Variants in GPM6A observed in about 807,000 individuals in gnomAD.
GPM6A encodes neuronal membrane glycoprotein M6-a.
GPM6A carries 7 observed loss-of-function variants against 32.1 expected under a neutral mutation model. The ratio of observed to expected loss-of-function variants is 0.22; its 90% CI spans 0.12 to 0.41. The LOEUF (loss-of-function observed/expected upper bound fraction) is 0.41, where lower values mean the gene tolerates loss of function less well. Ranked by LOEUF, GPM6A falls within the 10% of genes least tolerant of loss-of-function variation. GPM6A has a pLI of 1.00. For missense variants in GPM6A, 235 were observed against 347.2 expected, an observed-to-expected ratio of 0.68 and a Z score of 2.57; for synonymous variants, 130 against 123.4, an observed-to-expected ratio of 1.05 and a Z score of -0.35.
chr4:175,959,900 G>A (rs1424053945), intron 1 of GPM6A, among the ~76,000 whole-genome samples: 9 of 152,124 alleles, frequency 5.9e-5, no homozygotes, highest in African/African-American at 2.2e-4. Flanking sequence ...TATTAATTAG[G>A]AAATTACTGT....
chr4:175,665,309 A>C (rs1219119145), intron 3 of GPM6A, among the ~76,000 whole-genome samples: 1 of 152,094 alleles, frequency 6.6e-6, no homozygotes, highest in Non-Finnish European at 1.5e-5. Flanking sequence ...ATGTATTCTG[A>C]CTATACTAGG....
intron 1 of GPM6A, among the ~76,000 whole-genome samples, chr4:175,764,432 T>C (rs1028090590): frequency 3.3e-5 from 5 of 152,196 alleles, no homozygotes; most frequent in African/African-American, 9.7e-5. Flanking sequence ...GGACATTTGG[T>C]TTGTTTCTAC....
intron 1 of GPM6A, among the ~76,000 whole-genome samples, chr4:175,711,373 C>A (rs1184435048): frequency 8.2e-6 from 1 of 121,546 alleles, no homozygotes; most frequent in Non-Finnish European, 1.6e-5. Flanking sequence ...AAGCAGGCAG[C>A]TGAAGAGAGT....
At chr4:175,925,017 T>A (rs183324573) in intron 1 of GPM6A, among the ~76,000 whole-genome samples, 175 of 152,316 alleles carry the variant, frequency 1.1e-3, no homozygotes, top group African/African-American at 4.0e-3. Flanking sequence ...AATACCACAC[T>A]TCCATTTATC....
intron 2 of GPM6A, among the ~76,000 whole-genome samples, chr4:175,684,536 A>C (rs1266281943): frequency 6.6e-6 from 1 of 152,200 alleles, no homozygotes; most frequent in Non-Finnish European, 1.5e-5. Flanking sequence ...AAATTAGATA[A>C]AATTAGATAA....
intron 1 of GPM6A, among the ~76,000 whole-genome samples, chr4:175,786,299 T>C (rs1318035667): frequency 6.6e-6 from 1 of 151,356 alleles, no homozygotes; most frequent in African/African-American, 2.4e-5. Context: ...TTGTTTTGTT[T>C]TTTTTTTTTT....
chr4:175,710,365 A>C (rs189794013), intron 1 of GPM6A, among the ~76,000 whole-genome samples: 148 of 152,264 alleles, frequency 9.7e-4, no homozygotes, highest in Non-Finnish European at 1.9e-3. Flanking sequence ...AGTGAATTCC[A>C]CAAGTTCTGA....
intron 1 of GPM6A, among the ~76,000 whole-genome samples, chr4:175,896,788 C>T (rs1462347568): frequency 6.6e-6 from 1 of 152,084 alleles, no homozygotes; most frequent in African/African-American, 2.4e-5. Context: ...CTTGCCATCA[C>T]ATTTGTTATT....
At chr4:175,689,154 CT>C (rs1744153872) in intron 2 of GPM6A, among the ~76,000 whole-genome samples, 2 of 152,166 alleles carry the variant, frequency 1.3e-5, no homozygotes, top group African/African-American at 4.8e-5. Flanking sequence ...TGAAGTTTCA[CT>C]TTTATTCTTC....
At chr4:175,909,524 G>T (rs1430096675) in intron 1 of GPM6A, among the ~76,000 whole-genome samples, 1 of 152,098 alleles carries the variant, frequency 6.6e-6, no homozygotes, top group African/African-American at 2.4e-5. Flanking sequence ...CATGATAGAA[G>T]AATGAAAGAA....
chr4:175,721,453 G>T (rs1257355870), intron 1 of GPM6A, among the ~76,000 whole-genome samples: 1 of 151,672 alleles, frequency 6.6e-6, no homozygotes, highest in Non-Finnish European at 1.5e-5. Context: ...TCCAGTCTGG[G>T]TGACAGAGCG....
intron 1 of GPM6A, among the ~76,000 whole-genome samples, chr4:175,929,070 A>T (rs1456256748): frequency 6.6e-6 from 1 of 152,224 alleles, no homozygotes; most frequent in Admixed American, 6.5e-5. Context: ...TGTGGAATAA[A>T]TAAGTACACA....
At chr4:175,881,165 C>A (rs190070069) in intron 1 of GPM6A, among the ~76,000 whole-genome samples, 1 of 152,196 alleles carries the variant, frequency 6.6e-6, no homozygotes, top group East Asian at 1.9e-4. Flanking sequence ...CAAACAACCC[C>A]ACCAAAAAGT....
At chr4:176,000,548 C>A (rs1339015598) in intron 1 of GPM6A, among the ~76,000 whole-genome samples, 1 of 152,180 alleles carries the variant, frequency 6.6e-6, no homozygotes. Flanking sequence ...CCAGTCCTCT[C>A]GAGCTTGAGG....
intron 1 of GPM6A, among the ~76,000 whole-genome samples, chr4:175,873,586 C>T (rs1175077592): frequency 1.3e-5 from 2 of 152,028 alleles, no homozygotes; most frequent in East Asian, 1.9e-4. Flanking sequence ...GTTGTTTTCT[C>T]ATAGACAACT....
intron 2 of GPM6A, among the ~76,000 whole-genome samples, chr4:175,700,559 A>G (rs1273798552): frequency 6.6e-6 from 1 of 152,226 alleles, no homozygotes; most frequent in African/African-American, 2.4e-5. Context: ...CCATCCAGAT[A>G]CTCACTCAGA....
intron 1 of GPM6A, among the ~76,000 whole-genome samples, chr4:175,927,960 T>C (rs200889148): frequency 6.7e-6 from 1 of 149,130 alleles, no homozygotes; most frequent in Admixed American, 6.7e-5. Context: ...GATTTTTTTT[T>C]CTAAATGTTA....
intron 1 of GPM6A, among the ~76,000 whole-genome samples, chr4:175,725,504 C>T (rs1027851111): frequency 2.0e-5 from 3 of 152,004 alleles, no homozygotes; most frequent in African/African-American, 7.2e-5. Context: ...TATTGCCCAG[C>T]CTGGTCTAGA....
chr4:175,890,150 C>T (rs970671850), intron 1 of GPM6A, among the ~76,000 whole-genome samples: 8 of 152,078 alleles, frequency 5.3e-5, no homozygotes, highest in Non-Finnish European at 1.2e-4. Context: ...AATTTGATAA[C>T]AAGTACTGTT....
Sources: gnomAD v4.1 joint callset for allele counts (sites outside exome capture counted in the v4.1 genomes callset) on GRCh38, gnomAD v4.1.1 for gene constraint, MANE v1.5 for transcripts, NCBI Gene and HGNC (gene_info 2026-07-23, HGNC 2026-07-21) for gene names.